The following IQCM variants were observed in gnomAD, a reference collection of about 807,000 sequenced individuals.
The protein encoded by IQCM is IQ motif containing M.
Under a neutral mutation model 57.6 loss-of-function variants are expected in IQCM, and 45 were observed. That is an observed-to-expected ratio of 0.78 (90% CI 0.62 to 1.00). The LOEUF is 1.00. Among genes scored for constraint, IQCM ranks in the 50% least tolerant of loss-of-function variants. The pLI is 0.00. For synonymous variants in IQCM, 148 were observed against 158.9 expected, an observed-to-expected ratio of 0.93 and a Z score of 0.51; for missense variants, 468 against 511.6, an observed-to-expected ratio of 0.91 and a Z score of 0.82.
chr4:149,554,014 C>A (rs1749294902), intron 10 of IQCM, among the ~76,000 whole-genome samples: 1 of 152,064 alleles, frequency 6.6e-6, no homozygotes, highest in Non-Finnish European at 1.5e-5. Flanking sequence ...TTATTAATGT[C>A]TCTATATATC....
chr4:149,515,720 A>C (rs905058609), intron 12 of IQCM, among the ~76,000 whole-genome samples: 3 of 152,198 alleles, frequency 2.0e-5, no homozygotes, highest in African/African-American at 7.2e-5. Context: ...TGGAAGGAAA[A>C]ATAACCAGAT....
chr4:149,419,933 C>G (rs1026286850), intron 13 of IQCM, among the ~76,000 whole-genome samples: 1 of 151,958 alleles, frequency 6.6e-6, no homozygotes, highest in South Asian at 2.1e-4. Flanking sequence ...AAATCGAAAC[C>G]ACAATGAGAT....
intron 12 of IQCM, among the ~76,000 whole-genome samples, chr4:149,503,736 T>C (rs1358567226): frequency 3.3e-5 from 5 of 152,134 alleles, no homozygotes; most frequent in African/African-American, 1.2e-4. Context: ...TTTTTTAATC[T>C]GTATCAGCCC....
chr4:149,439,277 T>C (rs939662868), intron 12 of IQCM, among the ~76,000 whole-genome samples: 3 of 152,066 alleles, frequency 2.0e-5, no homozygotes, highest in African/African-American at 7.2e-5. Flanking sequence ...CATAAAGAAA[T>C]ACACTAACAT....
chr4:149,718,531 G>T (rs780897617), intron 5 of IQCM, among the ~76,000 whole-genome samples: 1 of 152,202 alleles, frequency 6.6e-6, no homozygotes, highest in Non-Finnish European at 1.5e-5. Flanking sequence ...TTAGAAAAAT[G>T]ATGTCTAGAA....
rs574108210 is a variant in IQCM at position 149,646,066 on chromosome 4, T to C, written c.566-24822A>G. On this transcript the variant is annotated intron_variant, in intron 7 of 13. Coordinates refer to ENST00000636793, the MANE Select transcript of IQCM (RefSeq NM_001363507.2). The stretch of plus-strand genomic sequence containing the variant: ...TCCAGTGGTCTGCAACTATACCTTC[T>C]CTAATGAAGTCTGAATCCCAGCCTT... Among the ~76,000 whole-genome samples, 4 of 152,288 alleles carry C rather than the reference T, an allele frequency of 2.6e-5. No homozygotes were observed. In the South Asian group the frequency reaches 8.3e-4, roughly 32 times the overall value.
intron 9 of IQCM, among the ~76,000 whole-genome samples, chr4:149,567,157 G>C (rs1211903930): frequency 2.6e-5 from 4 of 151,922 alleles, no homozygotes; most frequent in Non-Finnish European, 5.9e-5. Context: ...TTGTGCTTGT[G>C]AATCTTTTTT....
intron 2 of IQCM, among the ~76,000 whole-genome samples, chr4:149,773,351 CA>C (rs201942246): frequency 1.3e-3 from 153 of 119,390 alleles, no homozygotes; most frequent in Middle Eastern, 4.2e-3. Flanking sequence ...AACTCCGTCT[CA>C]AAAAAAAAAA....
chr4:149,561,068 C>T (rs1750075102), intron 10 of IQCM, among the ~76,000 whole-genome samples: 1 of 152,124 alleles, frequency 6.6e-6, no homozygotes, highest in Admixed American at 6.5e-5. Flanking sequence ...AATCATCCAA[C>T]AGATGAAGCA....
chr4:149,596,059 CA>C (rs1209588247), intron 8 of IQCM, among the ~76,000 whole-genome samples: 3 of 151,972 alleles, frequency 2.0e-5, no homozygotes, highest in Non-Finnish European at 2.9e-5. Flanking sequence ...TTAACCTTCA[CA>C]AAAAATTAAA....
chr4:149,582,804 CA>C (rs751499349), intron 9 of IQCM, among the ~76,000 whole-genome samples: 1 of 151,466 alleles, frequency 6.6e-6, no homozygotes, highest in Non-Finnish European at 1.5e-5. Context: ...TAATGATAAG[CA>C]GGCTAACTTT....
chr4:149,550,659 A>G (rs1233398782), intron 11 of IQCM, among the ~76,000 whole-genome samples: 1 of 152,238 alleles, frequency 6.6e-6, no homozygotes, highest in Non-Finnish European at 1.5e-5. Context: ...TAAAACTTAA[A>G]TCATGAAAAT....
In IQCM at chr4:149,672,560, GA is replaced by G. The variant is rs1167706490; in HGVS notation, c.565+9557del. On this transcript the variant is annotated intron_variant, in intron 7 of 13. Coordinates refer to ENST00000636793, the MANE Select transcript of IQCM (RefSeq NM_001363507.2). ...AGATCAAATGAGTGAAATGAAGTGA[GA>G]AGAGAAGTTTAGAGAAAAAAGAGTA... is the stretch of plus-strand genomic sequence containing the variant. Among the ~76,000 whole-genome samples, 15 of 152,252 alleles carry G rather than the reference GA, an allele frequency of 9.9e-5. 1 individual carries two copies. Among genetic ancestry groups the G allele is most frequent in the Non-Finnish European group, 8.8e-5 (6 of 68,030 alleles).
In IQCM at chr4:149,591,797, T is replaced by G. The variant is rs1040910681; in HGVS notation, c.682-3800A>C. Among the ~76,000 whole-genome samples the G allele has an allele frequency of 5.9e-5, 9 of 152,076 alleles. No homozygotes were observed. The East Asian group carries it at 1.2e-3, about 20-fold the overall frequency. On this transcript the variant is annotated intron_variant, in intron 8 of 13. Transcript: ENST00000636793. ...GGACATGAACTCATCCTTTTTTATGTCTGCATAGTATTCCATGGTGTATAT... is the reference window on the plus strand; with the variant it reads ...GGACATGAACTCATCCTTTTTTATGGCTGCATAGTATTCCATGGTGTATAT...
chr4:149,763,932 T>C (rs1349969112), intron 2 of IQCM, among the ~76,000 whole-genome samples: 1 of 151,548 alleles, frequency 6.6e-6, no homozygotes, highest in Non-Finnish European at 1.5e-5. Context: ...GTGTTAGAGC[T>C]GAGCAAAGTG....
chr4:149,509,813 C>A (rs1744215794), intron 12 of IQCM, among the ~76,000 whole-genome samples: 2 of 151,828 alleles, frequency 1.3e-5, no homozygotes, highest in South Asian at 4.2e-4. Context: ...GGAAAGCCTC[C>A]CAAACCTTGA....
At chr4:149,558,607 T>A (rs1360126190) in intron 10 of IQCM, among the ~76,000 whole-genome samples, 1 of 151,404 alleles carries the variant, frequency 6.6e-6, no homozygotes, top group Non-Finnish European at 1.5e-5. Context: ...AGACAGGGAG[T>A]GATTAGAGAG....
chr4:149,679,726 T>C (rs989455086), intron 7 of IQCM, among the ~76,000 whole-genome samples: 5 of 151,442 alleles, frequency 3.3e-5, no homozygotes, highest in African/African-American at 1.2e-4. Flanking sequence ...GGAAAACTGC[T>C]ATATCTACAT....
chr4:149,650,623 C>T lies in IQCM; in HGVS notation c.566-29379G>A, dbSNP rs575646667. 5.3e-5 allele frequency among the ~76,000 whole-genome samples: 8 copies of T among 152,160 alleles called. No homozygotes were observed. In the East Asian group the frequency reaches 9.7e-4, roughly 18 times the overall value. On this transcript the variant is annotated intron_variant, in intron 7 of 13. Coordinates refer to ENST00000636793, the MANE Select transcript of IQCM (RefSeq NM_001363507.2). The stretch of plus-strand genomic sequence containing the variant: ...CAGGCTGGTCTCGAACTCCTGACCT[C>T]GGATGATACACCCACCTCGACCTCC...
Sources: allele counts gnomAD v4.1 joint callset (sites outside exome capture counted in the v4.1 genomes callset), GRCh38; gene constraint gnomAD v4.1.1; transcripts MANE v1.5; gene names NCBI Gene and HGNC (gene_info 2026-07-23, HGNC 2026-07-21).